Variants in SAMMSON observed in about 807,000 individuals in gnomAD.
The protein encoded by SAMMSON is survival associated mitochondrial melanoma specific oncogenic non-coding RNA, also known as long intergenic non-protein coding RNA 1212.
downstream of SAMMSON, among the ~76,000 whole-genome samples, chr3:70,391,456 T>C (rs1701047574): frequency 1.3e-5 from 2 of 150,024 alleles, no homozygotes; most frequent in African/African-American, 2.5e-5. Flanking sequence ...ACATGTGTTT[T>C]AGCCAGGTGC....
At chr3:70,315,169 T>A (rs1030599532) in intron 7 of SAMMSON, among the ~76,000 whole-genome samples, 1 of 152,174 alleles carries the variant, frequency 6.6e-6, no homozygotes, top group African/African-American at 2.4e-5. Flanking sequence ...TGGTGACTAA[T>A]TTGGACATAA....
At chr3:70,347,097 A>G (rs1384607131) in intron 7 of SAMMSON, among the ~76,000 whole-genome samples, 1 of 152,224 alleles carries the variant, frequency 6.6e-6, no homozygotes, top group Non-Finnish European at 1.5e-5. Context: ...AATAAGATCC[A>G]CAAACACTGA....
intron 4 of SAMMSON, among the ~76,000 whole-genome samples, chr3:70,081,211 T>C (rs1443483524): frequency 6.6e-6 from 1 of 152,208 alleles, no homozygotes; most frequent in Non-Finnish European, 1.5e-5. Context: ...CCTCCAGGCT[T>C]CACTCCATTC....
intron 4 of SAMMSON, among the ~76,000 whole-genome samples, chr3:70,109,379 C>G (rs544421896): frequency 6.6e-6 from 1 of 152,124 alleles, no homozygotes; most frequent in Non-Finnish European, 1.5e-5. Flanking sequence ...CCACTTCCAT[C>G]CCGGCTACAA....
chr3:70,268,155 C>G (rs896288333), intron 6 of SAMMSON, among the ~76,000 whole-genome samples: 1 of 151,170 alleles, frequency 6.6e-6, no homozygotes, highest in Non-Finnish European at 1.5e-5. Flanking sequence ...CCTGCCCCCA[C>G]ACATGCACAG....
At chr3:70,356,926 A>T (rs1008136679) in intron 8 of SAMMSON, among the ~76,000 whole-genome samples, 6 of 152,168 alleles carry the variant, frequency 3.9e-5, no homozygotes, top group Admixed American at 3.3e-4. Context: ...TTTAATCTTC[A>T]TAATAACTGA....
At chr3:70,126,341 A>T (rs1169231801) in intron 4 of SAMMSON, 1 of 1,188,502 alleles carries the variant, frequency 8.4e-7, no homozygotes, top group East Asian at 2.5e-5. Flanking sequence ...CTAAAGTATG[A>T]CCTAAAAGTT....
At chr3:70,033,945 G>T (rs550121400) in intron 3 of SAMMSON, among the ~76,000 whole-genome samples, 1 of 152,258 alleles carries the variant, frequency 6.6e-6, no homozygotes, top group African/African-American at 2.4e-5. Context: ...AACAGTGTCA[G>T]TTTGGGATAT....
Position 70,337,553 on chromosome 3 carries a change from A to G in SAMMSON, n.740-16622A>G, listed in dbSNP as rs140531259. Among the ~76,000 whole-genome samples, 799 of 152,108 alleles carry G rather than the reference A, an allele frequency of 5.3e-3. 5 individuals are homozygous for G. The highest frequency in any genetic ancestry group is 0.019 in the African/African-American group (783 of 41,572). On this transcript the variant is annotated intron_variant and non_coding_transcript_variant, in intron 7 of 9. Coordinates refer to ENST00000642114, the Ensembl canonical transcript of SAMMSON. ...CCAGGATTCATTATAATTTCTTGCAATGAGAATGATAGATATTTTGCAATC... is the reference window on the plus strand; with the variant it reads ...CCAGGATTCATTATAATTTCTTGCAGTGAGAATGATAGATATTTTGCAATC...
At chr3:70,416,376 C>T (rs969113812) in intron 2 of SAMMSON, among the ~76,000 whole-genome samples, 1 of 152,118 alleles carries the variant, frequency 6.6e-6, no homozygotes, top group Non-Finnish European at 1.5e-5. Flanking sequence ...GTCTGCATCT[C>T]ATTACTGTCA....
chr3:70,043,401 A>G (rs2067112920), intron 3 of SAMMSON, among the ~76,000 whole-genome samples: 1 of 152,120 alleles, frequency 6.6e-6, no homozygotes, highest in South Asian at 2.1e-4. Context: ...CAGCAGAAAA[A>G]AAATGTAGTT....
intron 7 of SAMMSON, among the ~76,000 whole-genome samples, chr3:70,323,484 A>G (rs1311015317): frequency 1.3e-5 from 2 of 152,144 alleles, no homozygotes; most frequent in South Asian, 4.1e-4. Flanking sequence ...TGCCTGATCC[A>G]TGTTGTAAGC....
intron 3 of SAMMSON, among the ~76,000 whole-genome samples, chr3:70,045,172 T>A (rs952870458): frequency 3.1e-4 from 41 of 133,386 alleles, no homozygotes; most frequent in East Asian, 6.1e-4. Flanking sequence ...TATTATAATT[T>A]ATATATATCG....
At chr3:70,403,585 C>T (rs571891027) in intron 2 of SAMMSON, among the ~76,000 whole-genome samples, 3 of 152,246 alleles carry the variant, frequency 2.0e-5, no homozygotes, top group African/African-American at 7.2e-5. Flanking sequence ...AACACGTGCT[C>T]ATTCATTTAC....
At chr3:70,044,183 T>G (rs1559779473) in intron 3 of SAMMSON, among the ~76,000 whole-genome samples, 1 of 152,066 alleles carries the variant, frequency 6.6e-6, no homozygotes, top group Non-Finnish European at 1.5e-5. Context: ...GCCCACTAAT[T>G]AATGCCAAGT....
intron 4 of SAMMSON, among the ~76,000 whole-genome samples, chr3:70,190,087 C>A (rs185404682): frequency 2.5e-3 from 375 of 152,254 alleles, no homozygotes; most frequent in Non-Finnish European, 3.5e-3. Flanking sequence ...GAATAGAACT[C>A]CCCCCTCCCC....
At chr3:70,185,396 T>C (rs547393186) in intron 4 of SAMMSON, among the ~76,000 whole-genome samples, 1 of 152,270 alleles carries the variant, frequency 6.6e-6, no homozygotes, top group Admixed American at 6.5e-5. Flanking sequence ...GCTCCTTCTG[T>C]CTTTTCTTCC....
At chr3:70,242,489 A>G (rs759530775) in intron 4 of SAMMSON, among the ~76,000 whole-genome samples, 8 of 152,286 alleles carry the variant, frequency 5.3e-5, no homozygotes, top group Non-Finnish European at 1.0e-4. Flanking sequence ...TTGGACAAGC[A>G]TGATAGCTTC....
intron 4 of SAMMSON, among the ~76,000 whole-genome samples, chr3:70,170,023 T>C (rs1700917497): frequency 6.6e-6 from 1 of 151,958 alleles, no homozygotes; most frequent in Non-Finnish European, 1.5e-5. Flanking sequence ...CTGTGCCTTA[T>C]TGCCTTTAGC....
Sources: gnomAD v4.1 joint callset for allele counts (sites outside exome capture counted in the v4.1 genomes callset) on GRCh38, gnomAD v4.1.1 for gene constraint, MANE v1.5 for transcripts, NCBI Gene and HGNC (gene_info 2026-07-23, HGNC 2026-07-21) for gene names.